The following ARHGAP22 variants were observed in gnomAD, a reference collection of about 807,000 sequenced individuals.
ARHGAP22 encodes Rho GTPase activating protein 22, also known as rho GTPase-activating protein 22.
In ARHGAP22, 48 loss-of-function variants were observed where a neutral mutation model predicts 59.1. The ratio of observed to expected loss-of-function variants is 0.81; its 90% CI spans 0.64 to 1.03. The LOEUF (loss-of-function observed/expected upper bound fraction) is 1.03, where lower values mean the gene tolerates loss of function less well. Among genes scored for constraint, ARHGAP22 ranks in the 50% least tolerant of loss-of-function variants. The probability of loss-of-function intolerance (pLI) is 0.00; values close to 1 mark genes in which losing one functional copy is unlikely to be tolerated. For missense variants in ARHGAP22, 1,015 were observed against 958.7 expected (o/e 1.06, Z -0.78); for synonymous variants, 445 against 416.4 (o/e 1.07, Z -0.84).
intron 1 of ARHGAP22, among the ~76,000 whole-genome samples, chr10:48,629,422 A>C (rs1375269217): frequency 6.6e-6 from 1 of 152,036 alleles, no homozygotes; most frequent in African/African-American, 2.4e-5. Flanking sequence ...GTATTTTTGT[A>C]TTTAGGTCTA....
intron 3 of ARHGAP22, among the ~76,000 whole-genome samples, chr10:48,548,221 C>G (rs1460183683): frequency 6.6e-6 from 1 of 152,166 alleles, no homozygotes; most frequent in Non-Finnish European, 1.5e-5. Flanking sequence ...CCGCTTGCCC[C>G]TTCCACAAGT....
intron 3 of ARHGAP22, among the ~76,000 whole-genome samples, chr10:48,483,652 A>AT (rs2049561587): frequency 1.3e-5 from 2 of 151,456 alleles, no homozygotes; most frequent in African/African-American, 2.4e-5. Context: ...ATTTCTCTGC[A>AT]TTTTTTTCAT....
chr10:48,526,552 G>A (rs968097987), intron 3 of ARHGAP22, among the ~76,000 whole-genome samples: 55 of 152,168 alleles, frequency 3.6e-4, no homozygotes, highest in Non-Finnish European at 4.4e-5. Context: ...TAGTCACAGC[G>A]GGCTTAATGA....
In ARHGAP22 at chr10:48,604,867, G is replaced by A; in HGVS notation, c.-71C>T. ...CATCCACTTGCTTTTGCTCGTCCTC[G>A]CGCCTAGTCGCCCCTCATGTCCTGC... On this transcript the variant is annotated 5_prime_UTR_variant, in exon 1 of 10. Coordinates refer to ENST00000249601, the MANE Select transcript of ARHGAP22 (RefSeq NM_021226.4). The A allele has an allele frequency of 6.2e-7, 1 of 1,611,174 alleles. No individual in the cohort carries two copies. Among genetic ancestry groups the A allele is most frequent in the Admixed American group, 1.7e-5 (1 of 59,986 alleles).
chr10:48,641,532 C>T (rs1157531315), intron 1 of ARHGAP22, among the ~76,000 whole-genome samples: 1 of 152,132 alleles, frequency 6.6e-6, no homozygotes, highest in Non-Finnish European at 1.5e-5. Flanking sequence ...AGGCCTTTGA[C>T]AAAATTCAAC....
At chr10:48,538,928 T>TA (rs984817901) in intron 3 of ARHGAP22, among the ~76,000 whole-genome samples, 2 of 151,718 alleles carry the variant, frequency 1.3e-5, no homozygotes, top group Non-Finnish European at 2.9e-5. Flanking sequence ...CATGATCAAA[T>TA]AAAAAAATGT....
chr10:48,438,073 C>T, the ARHGAP22 span: 1 of 152,232 alleles, frequency 6.6e-6, no homozygotes. Context: ...CATTCGCCTG[C>T]ACAACATTTT....
chr10:48,604,394 G>T (rs1180402462), intron 1 of ARHGAP22, among the ~76,000 whole-genome samples: 1 of 152,270 alleles, frequency 6.6e-6, no homozygotes, highest in Non-Finnish European at 1.5e-5. Context: ...GGGTGCTTCT[G>T]TGTTGGCCAC....
intron 3 of ARHGAP22, among the ~76,000 whole-genome samples, chr10:48,545,228 A>G (rs2056326200): frequency 6.6e-6 from 1 of 152,230 alleles, no homozygotes; most frequent in Non-Finnish European, 1.5e-5. Context: ...AAAATTTACA[A>G]CCACAAACAT....
intron 1 of ARHGAP22, among the ~76,000 whole-genome samples, chr10:48,644,663 C>T (rs949647125): frequency 6.6e-6 from 1 of 152,116 alleles, no homozygotes; most frequent in Admixed American, 6.6e-5. Context: ...GAACAACACA[C>T]TACTAAATCA....
chr10:48,454,034 G>A (rs41311230), intron 7 of ARHGAP22, 54 bp downstream of exon 7: 700 of 1,554,298 alleles, frequency 4.5e-4, no homozygotes, highest in Admixed American at 8.3e-4. Flanking sequence ...GTGGGGTTGG[G>A]GGAGCGTGGA....
intron 3 of ARHGAP22, among the ~76,000 whole-genome samples, chr10:48,528,355 G>A (rs2054521190): frequency 6.6e-6 from 1 of 152,228 alleles, no homozygotes; most frequent in East Asian, 1.9e-4. Context: ...CACAAGCATA[G>A]CTTAGGGAGC....
intron 1 of ARHGAP22, among the ~76,000 whole-genome samples, chr10:48,615,447 A>C (rs1478365565): frequency 3.9e-5 from 6 of 152,252 alleles, no homozygotes; most frequent in Non-Finnish European, 7.3e-5. Context: ...GATGGAAACT[A>C]TGACAAGCAG....
intron 3 of ARHGAP22, among the ~76,000 whole-genome samples, chr10:48,485,142 C>T (rs2049725207): frequency 6.6e-6 from 1 of 152,176 alleles, no homozygotes; most frequent in Non-Finnish European, 1.5e-5. Flanking sequence ...AGGTTGCCGA[C>T]TTGGGTCATA....
chr10:48,604,601 C>T (rs917244117), intron 1 of ARHGAP22, among the ~76,000 whole-genome samples, 162 bp downstream of exon 1: 1 of 152,190 alleles, frequency 6.6e-6, no homozygotes, highest in Admixed American at 6.5e-5. Flanking sequence ...AGGAGTTTCA[C>T]GAGGAAGGGC....
chr10:48,545,991 C>A (rs928727038), intron 3 of ARHGAP22, among the ~76,000 whole-genome samples: 1 of 152,222 alleles, frequency 6.6e-6, no homozygotes, highest in Non-Finnish European at 1.5e-5. Flanking sequence ...AATCTGGTTG[C>A]CCTTGAGAGC....
chr10:48,628,130 G>C (rs2061511428), intron 1 of ARHGAP22, among the ~76,000 whole-genome samples: 1 of 152,198 alleles, frequency 6.6e-6, no homozygotes, highest in Admixed American at 6.5e-5. Context: ...CAGGGTGTCT[G>C]ACTGGCCACC....
At chr10:48,484,084 TCA>T (rs1478231655) in intron 3 of ARHGAP22, among the ~76,000 whole-genome samples, 1 of 152,226 alleles carries the variant, frequency 6.6e-6, no homozygotes, top group East Asian at 1.9e-4. Flanking sequence ...GGGTCTAGTC[TCA>T]GTCTTCTGCA....
upstream of ARHGAP22, among the ~76,000 whole-genome samples, chr10:48,609,556 A>T (rs1167958172): frequency 2.6e-5 from 4 of 152,112 alleles, no homozygotes; most frequent in Non-Finnish European, 5.9e-5. Flanking sequence ...AGAGAAATTA[A>T]CTTATACTGT....
Sources: allele counts gnomAD v4.1 joint callset (sites outside exome capture counted in the v4.1 genomes callset), GRCh38; gene constraint gnomAD v4.1.1; transcripts MANE v1.5; gene names NCBI Gene and HGNC (gene_info 2026-07-23, HGNC 2026-07-21).